Variants in NFASC observed in about 807,000 individuals in gnomAD.
NFASC encodes the protein neurofascin homolog.
In NFASC, 43 loss-of-function variants were observed where a neutral mutation model predicts 147.5. The ratio of observed to expected loss-of-function variants is 0.29; its 90% CI spans 0.23 to 0.38. The LOEUF is 0.38. Ranked by LOEUF, NFASC falls within the 10% of genes least tolerant of loss-of-function variation. The probability of loss-of-function intolerance (pLI) is 1.00; values close to 1 mark genes in which losing one functional copy is unlikely to be tolerated. For missense variants in NFASC, 1,320 were observed against 1,689.0 expected (o/e 0.78, Z 3.83); for synonymous variants, 622 against 665.5 (o/e 0.93, Z 1.01).
chr1:204,855,094 G>T (rs1047962751), intron 1 of NFASC, among the ~76,000 whole-genome samples: 6 of 152,350 alleles, frequency 3.9e-5, no homozygotes, highest in African/African-American at 1.4e-4. Context: ...AGTGAGTGAG[G>T]GATAGAGCCA....
rs573799499 is a variant in NFASC at position 205,020,258 on chromosome 1, C to G, written c.*3719C>G. The G allele has an allele frequency of 1.3e-5, 2 of 152,102 alleles. No individual in the cohort carries two copies. Among genetic ancestry groups the G allele is most frequent in the African/African-American group, 4.8e-5 (2 of 41,272 alleles). The allele number at this position is 152,102 out of a possible 1,614,324, so 9.4% of individuals were successfully genotyped here. ...TTCCCTGACCACAGCCTTGGGAAGA[C>G]GGTGGAAACCCGAGGATGTGTGGGT... On this transcript the variant is annotated 3_prime_UTR_variant, in exon 30 of 30. Transcript: ENST00000339876.
At chr1:204,872,017 A>G (rs1386410156) in intron 1 of NFASC, among the ~76,000 whole-genome samples, 2 of 152,224 alleles carry the variant, frequency 1.3e-5, no homozygotes, top group Non-Finnish European at 2.9e-5. Context: ...GTTTGGATCC[A>G]GTGACTTTAA....
chr1:204,901,258 A>G (rs539959699), intron 1 of NFASC, among the ~76,000 whole-genome samples: 2 of 152,168 alleles, frequency 1.3e-5, no homozygotes, highest in Admixed American at 6.6e-5. Flanking sequence ...AGTTTCCAGT[A>G]TAGAGATTGT....
chr1:204,978,904 A>G (rs2095461835), intron 17 of NFASC, 64 bp from the exon 18 acceptor site: 1 of 1,293,388 alleles, frequency 7.7e-7, no homozygotes, highest in Non-Finnish European at 1.1e-6. Flanking sequence ...GTCCAGGGCT[A>G]GGGCCATCAC....
intron 1 of NFASC, among the ~76,000 whole-genome samples, chr1:204,846,563 A>G (rs1056097540): frequency 2.0e-5 from 3 of 152,044 alleles, no homozygotes; most frequent in Non-Finnish European, 4.4e-5. Flanking sequence ...GTCTCAGCTG[A>G]TATCTAGCCT....
At chr1:204,950,954 G>T (rs1314068160) in intron 4 of NFASC, among the ~76,000 whole-genome samples, 1 of 152,016 alleles carries the variant, frequency 6.6e-6, no homozygotes, top group Admixed American at 6.6e-5. Flanking sequence ...CCATAGTTTG[G>T]CCGTTTGTTG....
intron 8 of NFASC, among the ~76,000 whole-genome samples, chr1:204,965,511 A>C: frequency 6.6e-6 from 1 of 152,120 alleles, no homozygotes; most frequent in East Asian, 1.9e-4. Flanking sequence ...CAAGTTTTCC[A>C]TGCCTTTAAG....
chr1:204,857,244 A>G (rs2076233239), intron 1 of NFASC, among the ~76,000 whole-genome samples: 1 of 152,242 alleles, frequency 6.6e-6, no homozygotes, highest in African/African-American at 2.4e-5. Flanking sequence ...AACTCAGCAC[A>G]GCAGGTGCCA....
chr1:204,973,255 G>A, intron 11 of NFASC, 21 bp from the exon 12 acceptor site: 9 of 1,613,646 alleles, frequency 5.6e-6, no homozygotes, highest in Non-Finnish European at 7.6e-6. Context: ...CTCATGAGGA[G>A]CGTCTCTTTC....
chr1:204,948,076 A>ATGGG (rs1211135978), intron 3 of NFASC, among the ~76,000 whole-genome samples: 16 of 152,208 alleles, frequency 1.1e-4, no homozygotes, highest in Non-Finnish European at 1.9e-4. Context: ...CTCCTGAGGG[A>ATGGG]TGGGTGCCAG....
rs757637658 is a variant in NFASC, at chr1:204,941,779, ACT to A, written c.-90-2442_-90-2441del. On this transcript the variant is annotated intron_variant, in intron 2 of 29. Coordinates refer to ENST00000339876, the MANE Select transcript of NFASC (RefSeq NM_001005388.3). ...AGGGTCCCTCCTTGGGAGATTTTCT[ACT>A]CTCTTAACCCTCTTTCAGCTTGTTG... Among the ~76,000 whole-genome samples the A allele has an allele frequency of 9.9e-5, 15 of 151,962 alleles. No individual in the cohort carries two copies. In the East Asian group the frequency reaches 2.7e-3, roughly 27 times the overall value.
chr1:204,973,428 G>C lies in NFASC; in HGVS notation c.1279+9G>C. 1 of 1,614,038 alleles carries C rather than the reference G, an allele frequency of 6.2e-7. No individual in the cohort carries two copies. Among genetic ancestry groups the C allele is most frequent in the Non-Finnish European group, 8.5e-7 (1 of 1,179,924 alleles). On this transcript the variant is annotated intron_variant, in intron 12 of 29. Coordinates refer to ENST00000339876, the MANE Select transcript of NFASC (RefSeq NM_001005388.3). ...CTTTGTCAGTGTGCTGGGTGAGTGT[G>C]CCCTTCGCAGCCTGTTTCCCCCTCC...
rs554920843 is a variant in NFASC, at chr1:204,906,918, T to C, written c.-199-13714T>C. On this transcript the variant is annotated intron_variant, in intron 1 of 29. Coordinates refer to ENST00000339876, the MANE Select transcript of NFASC (RefSeq NM_001005388.3). ...CAGGATGGTCTGCATCTCCTGACCT[T>C]GTGATCCGCCCGCCTTGGCCTCCCA... Among the ~76,000 whole-genome samples, 74 of 152,224 alleles carry C rather than the reference T, an allele frequency of 4.9e-4. No homozygotes were observed. The East Asian group carries it at 5.8e-3, about 12-fold the overall frequency.
At chr1:204,833,747 G>A (rs1325489823) in intron 1 of NFASC, among the ~76,000 whole-genome samples, 1 of 152,198 alleles carries the variant, frequency 6.6e-6, no homozygotes, top group Admixed American at 6.5e-5. Context: ...TTGTTAGTTG[G>A]ATTAGGTTGT....
At position 204,920,372 on chromosome 1, in the gene NFASC, G is replaced by A. The variant is rs74138652; in HGVS notation, c.-199-260G>A. The stretch of plus-strand genomic sequence containing the variant: ...TCAGCAATTAGACTGTGGTGTCAGG[G>A]CACTAAGAAATGATCTTACAGATAA... On this transcript the variant is annotated intron_variant, in intron 1 of 29. Coordinates refer to ENST00000339876, the MANE Select transcript of NFASC (RefSeq NM_001005388.3). Among the ~76,000 whole-genome samples the A allele has an allele frequency of 1.0e-3, 152 of 151,828 alleles. 1 individual carries two copies. Among genetic ancestry groups the A allele is most frequent in the African/African-American group, 3.6e-3 (151 of 41,376 alleles).
rs1340052695 is a variant in NFASC, at chr1:204,968,661, A to G, written c.819-137A>G. ...GGCTGAGCATCCTCCTCTGCACAGG[A>G]AAGATCAGCTTTTAGAGGACATGCA... On this transcript the variant is annotated intron_variant, in intron 9 of 29. Coordinates refer to ENST00000339876, the MANE Select transcript of NFASC (RefSeq NM_001005388.3). The surrounding 1 kb of genome is among the most constrained non-coding windows in gnomAD (Gnocchi z 5.4). 1.1e-5 allele frequency: 8 copies of G among 758,570 alleles called. No individual in the cohort carries two copies. The East Asian group carries it at 1.6e-4, about 15-fold the overall frequency. 47.0% of individuals were successfully genotyped at this position (758,570 alleles called of 1,614,324 possible).
chr1:204,878,547 C>T (rs2079491603), intron 1 of NFASC, among the ~76,000 whole-genome samples: 1 of 152,140 alleles, frequency 6.6e-6, no homozygotes, highest in Non-Finnish European at 1.5e-5. Flanking sequence ...TGCCCTAGTT[C>T]TGGTAAAATA....
rs551637739 is a variant in NFASC, at chr1:205,010,003, T to C, written c.3421+315T>C. On this transcript the variant is annotated intron_variant, in intron 28 of 29. Coordinates refer to ENST00000339876, the MANE Select transcript of NFASC (RefSeq NM_001005388.3). The surrounding 1 kb of genome is among the most constrained non-coding windows in gnomAD (Gnocchi z 4.1). ...CCATCTGTTCTATAAATTGGCTTTT[T>C]TTCAGCCTGAATCTCATTAGGATCC... The C allele has an allele frequency of 3.8e-5, 12 of 316,616 alleles. No individual in the cohort carries two copies. In the East Asian group the frequency reaches 7.5e-4, roughly 20 times the overall value. The allele number at this position is 316,616 out of a possible 1,614,324, so 19.6% of individuals were successfully genotyped here. A position where few individuals can be genotyped will look rare whatever the true frequency, so the allele number is the denominator to read the frequency against.
chr1:204,924,506 G>A (rs1376503636), intron 2 of NFASC, among the ~76,000 whole-genome samples: 4 of 152,220 alleles, frequency 2.6e-5, no homozygotes, highest in African/African-American at 7.2e-5. Flanking sequence ...CAGCTGTTTG[G>A]TGGATGTCAG....
Sources: gnomAD v4.1 joint callset for allele counts (sites outside exome capture counted in the v4.1 genomes callset) on GRCh38, gnomAD v4.1.1 for gene constraint, Gnocchi (gnomAD v3.1) non-coding constraint, MANE v1.5 for transcripts, NCBI Gene and HGNC (gene_info 2026-07-23, HGNC 2026-07-21) for gene names.